Variants in ZNF707 observed in about 807,000 individuals in gnomAD.
ZNF707 encodes the protein zinc finger protein 707.
A neutral mutation model predicts 13.3 loss-of-function variants in ZNF707; 8 were observed. The ratio of observed to expected loss-of-function variants is 0.60; its 90% CI spans 0.35 to 1.09. The LOEUF is 1.09. ZNF707 is among the 50% of genes least tolerant of loss of function. The pLI is 0.02. For missense variants in ZNF707, 530 were observed against 512.6 expected, an observed-to-expected ratio of 1.03 and a Z score of -0.33; for synonymous variants, 225 against 205.6, an observed-to-expected ratio of 1.09 and a Z score of -0.81.
In ZNF707 at chr8:143,693,954, G is replaced by A. The variant is rs1554614461; in HGVS notation, c.540G>A (p.Thr180=). Residue 180 remains threonine (T), a synonymous_variant, in exon 6 of 6, where the codon ACG becomes ACA. Coordinates refer to ENST00000358656, the MANE Select transcript of ZNF707 (RefSeq NM_001100598.2). The surrounding 1 kb of genome is among the most constrained non-coding windows in gnomAD (Gnocchi z 4.1). The part of the protein sequence containing the change: ...RAVELSFICG[T]CGKALSCHSR... ...TAGAGCTGTCATTCATCTGCGGCAC[G>A]TGCGGGAAGGCGCTCAGCTGCCACA... 1.9e-6 allele frequency: 3 copies of A among 1,601,288 alleles called. No homozygotes were observed. Among genetic ancestry groups the A allele is most frequent in the African/African-American group, 1.3e-5 (1 of 74,866 alleles).
chr8:143,694,688 G>C lies in ZNF707; in HGVS notation c.*158G>C, dbSNP rs947144862. ...CCCAGTCCCCCGAGAAGTTTACTGGGAAAACTGCCAGGTGGGAGAAGCAGA... is the reference window on the plus strand; with the variant it reads ...CCCAGTCCCCCGAGAAGTTTACTGGCAAAACTGCCAGGTGGGAGAAGCAGA... On this transcript the variant is annotated 3_prime_UTR_variant, in exon 6 of 6. Coordinates refer to ENST00000358656, the MANE Select transcript of ZNF707 (RefSeq NM_001100598.2). This position sits in a 1 kb window ranked among gnomAD's most constrained non-coding sequence, Gnocchi z 4.4. 1 of 835,792 alleles carries C rather than the reference G, an allele frequency of 1.2e-6. No individual in the cohort carries two copies. The highest frequency in any genetic ancestry group is 2.8e-5 in the East Asian group (1 of 35,722). 51.8% of individuals were successfully genotyped at this position (835,792 alleles called of 1,614,324 possible).
chr8:143,691,815 A>T, intron 5 of ZNF707, 102 bp downstream of exon 5: 1 of 1,094,460 alleles, frequency 9.1e-7, no homozygotes, highest in Non-Finnish European at 1.3e-6. Flanking sequence ...TGTCCTTCCC[A>T]TGGGAGAGCA....
intron 1 of ZNF707, among the ~76,000 whole-genome samples, chr8:143,685,390 G>C (rs1816163246): frequency 6.6e-6 from 1 of 152,130 alleles, no homozygotes; most frequent in Non-Finnish European, 1.5e-5. Context: ...CGGGTGTGGT[G>C]GTGCACGCCT....
chr8:143,692,438 C>T (rs570897847), intron 5 of ZNF707: 50 of 596,528 alleles, frequency 8.4e-5, no homozygotes, highest in Admixed American at 7.5e-4. Context: ...GGGGAGGTGT[C>T]GGATCCCCGG....
Position 143,694,973 on chromosome 8 carries a change from G to A in ZNF707, c.*443G>A, listed in dbSNP as rs1196568489. 1.7e-5 allele frequency: 3 copies of A among 175,112 alleles called. No individual in the cohort carries two copies. The highest frequency in any genetic ancestry group is 7.1e-5 in the African/African-American group (3 of 42,068). 10.8% of individuals were successfully genotyped at this position (175,112 alleles called of 1,614,324 possible). A position where few individuals can be genotyped will look rare whatever the true frequency, so the allele number is the denominator to read the frequency against. On this transcript the variant is annotated 3_prime_UTR_variant, in exon 6 of 6. Transcript: ENST00000358656. The surrounding 1 kb of genome is among the most constrained non-coding windows in gnomAD (Gnocchi z 4.4). ...GCTGCCCGGTCTGGCTTCCCTTCTTGTCTCTGTCTTGGGCGAGGCAGCTGT... is the reference window on the plus strand; with the variant it reads ...GCTGCCCGGTCTGGCTTCCCTTCTTATCTCTGTCTTGGGCGAGGCAGCTGT...
chr8:143,691,885 T>C, intron 5 of ZNF707, 172 bp downstream of exon 5: 1 of 978,656 alleles, frequency 1.0e-6, no homozygotes, highest in Non-Finnish European at 1.5e-6. Flanking sequence ...GCCACGCTCC[T>C]GCCCTGATGG....
chr8:143,691,622 C>T lies in ZNF707; in HGVS notation c.165C>T (p.Asp55=), dbSNP rs551774316. 1 of 1,608,920 alleles carries T rather than the reference C, an allele frequency of 6.2e-7. No homozygotes were observed. Among genetic ancestry groups the T allele is most frequent in the African/African-American group, 1.3e-5 (1 of 74,846 alleles). Reference sequence around the variant, plus strand: ...AAGGATTTTGCAGCCCCAGACCAGACCTCGTCTCTCGCCTGGAACAGTGGG... The same window carrying T: ...AAGGATTTTGCAGCCCCAGACCAGATCTCGTCTCTCGCCTGGAACAGTGGG... ...AALGFCSPRP[D]LVSRLEQWEE... Residue 55 remains aspartate (D), a synonymous_variant, in exon 5 of 6, where the codon GAC becomes GAT. Transcript: ENST00000358656.
chr8:143,691,791 A>G (rs1393105538), intron 5 of ZNF707, 78 bp downstream of exon 5: 9 of 1,284,564 alleles, frequency 7.0e-6, no homozygotes, highest in East Asian at 2.5e-5. Flanking sequence ...AGCACGCTGC[A>G]GTGACCAAGG....
rs1554614634 is a variant in ZNF707, at chr8:143,694,188, G to A, written c.774G>A (p.Arg258=). ...AQHRKVHTEH[R]PYSCGDCGKA... ...ACCGCAAGGTCCACACCGAGCACAG[G>A]CCCTACTCGTGTGGCGACTGTGGGA... Residue 258 remains arginine (R), a synonymous_variant, in exon 6 of 6, where the codon AGG becomes AGA. Transcript: ENST00000358656. This position sits in a 1 kb window ranked among gnomAD's most constrained non-coding sequence, Gnocchi z 4.4. 1.3e-6 allele frequency: 2 copies of A among 1,574,950 alleles called. No individual in the cohort carries two copies. The highest frequency in any genetic ancestry group is 1.3e-5 in the African/African-American group (1 of 74,096).
At chr8:143,690,566 G>GAA (rs544640752) in intron 3 of ZNF707, 47 of 169,660 alleles carry the variant, frequency 2.8e-4, no homozygotes, top group Middle Eastern at 2.2e-3. Context: ...TCTCAAAAAA[G>GAA]AAAAAAAAAA....
chr8:143,691,846 A>C, intron 5 of ZNF707, 133 bp downstream of exon 5: 1 of 972,508 alleles, frequency 1.0e-6, no homozygotes, highest in Non-Finnish European at 1.5e-6. Context: ...TGCTCTCTAA[A>C]TTAGACAGGC....
chr8:143,691,373 G>C, intron 4 of ZNF707, 174 bp downstream of exon 4: 2 of 1,234,632 alleles, frequency 1.6e-6, no homozygotes, highest in Non-Finnish European at 2.2e-6. Flanking sequence ...TTTCTCTCGG[G>C]CTCCCTGGAG....
chr8:143,693,739 G>A lies in ZNF707; in HGVS notation c.325G>A (p.Val109Met), dbSNP rs180875977. Residue 109 changes from valine to methionine, a missense_variant, in exon 6 of 6, where the codon GTG becomes ATG. By Grantham distance (21) the Val-to-Met change is conservative. Transcript: ENST00000358656. The surrounding 1 kb of genome is among the most constrained non-coding windows in gnomAD (Gnocchi z 4.1). ...AGCTTGGGCTCACAAGAAAACCCAC[G>A]TGCGGCGAGAAAGAGCCAGGGAAGG... The part of the protein sequence containing the change: ...HPAWAHKKTH[V>M]RRERAREGSS... 2.5e-6 allele frequency: 4 copies of A among 1,612,906 alleles called. No homozygotes were observed. The highest frequency in any genetic ancestry group is 2.2e-5 in the East Asian group (1 of 44,868).
At chr8:143,687,970 C>CTTTTTTT (rs60362242) in intron 1 of ZNF707, 5 of 98,010 alleles carry the variant, frequency 5.1e-5, no homozygotes, top group African/African-American at 1.7e-4. Flanking sequence ...ATATCATTTT[C>CTTTTTTT]TTTTTTTTTT....
At chr8:143,691,225 A>C in intron 4 of ZNF707, 26 bp downstream of exon 4, 1 of 1,595,744 alleles carries the variant, frequency 6.3e-7, no homozygotes, top group Non-Finnish European at 8.6e-7. Context: ...GCGCAGCGTG[A>C]GCACAGGGTG....
chr8:143,685,130 C>T (rs1229255132), intron 1 of ZNF707: 2 of 152,538 alleles, frequency 1.3e-5, no homozygotes, highest in East Asian at 1.9e-4. Context: ...AAGTCCCAAT[C>T]CTGGCCGTCT....
chr8:143,688,979 G>C (rs1389693726), intron 1 of ZNF707: 2 of 152,248 alleles, frequency 1.3e-5, no homozygotes, highest in Non-Finnish European at 2.9e-5. Context: ...AGACAGACTG[G>C]ATAGCGTCTG....
Position 143,693,552 on chromosome 8 carries a change from C to T in ZNF707, c.257-119C>T. ...CCTCATGATCCACCCGCCTCGGCCT[C>T]CCAAAGTGCTGGGATTACAGGCGTG... is the stretch of plus-strand genomic sequence containing the variant. On this transcript the variant is annotated intron_variant, in intron 5 of 5. Transcript: ENST00000358656. The surrounding 1 kb of genome is among the most constrained non-coding windows in gnomAD (Gnocchi z 4.1). 5.7e-6 allele frequency: 7 copies of T among 1,225,428 alleles called. No individual in the cohort carries two copies. Among genetic ancestry groups the T allele is most frequent in the Non-Finnish European group, 7.6e-6 (7 of 922,692 alleles). The allele number at this position is 1,225,428 out of a possible 1,614,324, so 75.9% of individuals were successfully genotyped here. A position where few individuals can be genotyped will look rare whatever the true frequency, so the allele number is the denominator to read the frequency against.
chr8:143,692,133 C>A (rs1287233641), intron 5 of ZNF707: 1 of 1,307,436 alleles, frequency 7.6e-7, no homozygotes, highest in Non-Finnish European at 1.0e-6. Context: ...TAGGAGTTTG[C>A]TCCACGTCCT....
Sources: allele counts gnomAD v4.1 joint callset (sites outside exome capture counted in the v4.1 genomes callset), GRCh38; gene constraint gnomAD v4.1.1; non-coding constraint Gnocchi (gnomAD v3.1); transcripts MANE v1.5; gene names NCBI Gene and HGNC (gene_info 2026-07-23, HGNC 2026-07-21).